The following CHCHD3 variants were observed in gnomAD, a reference collection of about 807,000 sequenced individuals.
CHCHD3 encodes coiled-coil-helix-coiled-coil-helix domain containing 3, also known as MICOS complex subunit MIC19.
Under a neutral mutation model 38.2 loss-of-function variants are expected in CHCHD3, and 20 were observed. The observed-to-expected ratio is 0.52, with a 90% CI of 0.37 to 0.76. The LOEUF (loss-of-function observed/expected upper bound fraction) is 0.76, where lower values mean the gene tolerates loss of function less well. Ranked by LOEUF, CHCHD3 falls within the 30% of genes least tolerant of loss-of-function variation. CHCHD3 has a pLI of 0.00. For synonymous variants in CHCHD3, 82 were observed against 100.0 expected (o/e 0.82, Z 1.07); for missense variants, 245 against 279.2 (o/e 0.88, Z 0.87).
intron 5 of CHCHD3, among the ~76,000 whole-genome samples, chr7:132,877,928 C>T (rs1808954864): frequency 6.6e-6 from 1 of 152,198 alleles, no homozygotes; most frequent in Non-Finnish European, 1.5e-5. Flanking sequence ...GTTAAATTTA[C>T]TCTGTCACAT....
At chr7:132,854,006 A>G (rs1004561003) in intron 5 of CHCHD3, among the ~76,000 whole-genome samples, 7 of 152,196 alleles carry the variant, frequency 4.6e-5, no homozygotes, top group African/African-American at 1.7e-4. Flanking sequence ...TGGCTGTCTT[A>G]CTTGCTTTCT....
intron 4 of CHCHD3, among the ~76,000 whole-genome samples, chr7:132,938,710 A>G (rs565485024): frequency 7.2e-4 from 110 of 152,276 alleles, no homozygotes; most frequent in African/African-American, 2.6e-3. Context: ...CTGGGCTCAC[A>G]CTTTAAACCT....
At chr7:133,061,688 C>A (rs1814520491) in intron 2 of CHCHD3, among the ~76,000 whole-genome samples, 1 of 152,070 alleles carries the variant, frequency 6.6e-6, no homozygotes, top group South Asian at 2.1e-4. Flanking sequence ...TCATGACTAC[C>A]CTGTAACTGA....
intron 1 of CHCHD3, among the ~76,000 whole-genome samples, chr7:133,078,918 T>C (rs752065046): frequency 6.6e-6 from 1 of 152,208 alleles, no homozygotes; most frequent in Non-Finnish European, 1.5e-5. Context: ...TGGTGCCTCA[T>C]CGGCACCATG....
chr7:132,949,749 C>T (rs991136704), intron 4 of CHCHD3, among the ~76,000 whole-genome samples: 1 of 151,988 alleles, frequency 6.6e-6, no homozygotes, highest in Non-Finnish European at 1.5e-5. Context: ...AAATTATTTG[C>T]TTCCTAATCA....
intron 6 of CHCHD3, among the ~76,000 whole-genome samples, chr7:132,829,677 C>T (rs1807591696): frequency 6.6e-6 from 1 of 152,178 alleles, no homozygotes; most frequent in Admixed American, 6.5e-5. Flanking sequence ...AAGGACGTGG[C>T]CAATCTGGCT....
intron 1 of CHCHD3, among the ~76,000 whole-genome samples, chr7:133,071,027 G>A (rs1052169492): frequency 2.6e-5 from 4 of 152,186 alleles, no homozygotes; most frequent in African/African-American, 9.6e-5. Flanking sequence ...ATTTGCCACC[G>A]TTAGACATCC....
chr7:132,999,292 T>C (rs1196626689), intron 3 of CHCHD3, among the ~76,000 whole-genome samples: 1 of 152,194 alleles, frequency 6.6e-6, no homozygotes, highest in Non-Finnish European at 1.5e-5. Context: ...CTCCAAACCA[T>C]TGGTTTTCTC....
In CHCHD3 at chr7:133,034,847, G is replaced by A. The variant is rs781673664; in HGVS notation, c.170-10220C>T. Reference sequence around the variant, plus strand: ...TGTTGGTTCCAAAAAGGATGACACTGGCGAAGGCATTCTTCCTCAGCTTGT... The same window carrying A: ...TGTTGGTTCCAAAAAGGATGACACTAGCGAAGGCATTCTTCCTCAGCTTGT... On this transcript the variant is annotated intron_variant, in intron 2 of 7. Coordinates refer to ENST00000262570, the MANE Select transcript of CHCHD3 (RefSeq NM_017812.4). 2.3e-5 allele frequency: 37 copies of A among 1,610,278 alleles called. No homozygotes were observed. In the Admixed American group the frequency reaches 5.4e-4, roughly 23 times the overall value.
At chr7:132,819,122 A>C (rs2117064149) in intron 6 of CHCHD3, among the ~76,000 whole-genome samples, 2 of 152,368 alleles carry the variant, frequency 1.3e-5, no homozygotes, top group Middle Eastern at 6.8e-3. Context: ...AGATCGATAA[A>C]GAGGATAAAA....
intron 4 of CHCHD3, among the ~76,000 whole-genome samples, chr7:132,947,598 G>A (rs942257123): frequency 4.6e-5 from 7 of 151,944 alleles, no homozygotes; most frequent in Non-Finnish European, 8.8e-5. Flanking sequence ...AGACTCAAAT[G>A]TTTAGTATAA....
intron 3 of CHCHD3, among the ~76,000 whole-genome samples, chr7:133,023,465 G>T (rs561557963): frequency 1.6e-4 from 25 of 152,306 alleles, no homozygotes; most frequent in African/African-American, 6.0e-4. Context: ...CCAATTCAAA[G>T]ATTCCTTACC....
chr7:132,987,307 A>C (rs10239315), intron 3 of CHCHD3, among the ~76,000 whole-genome samples: 70,519 of 152,000 alleles, frequency 0.46, 16,634 homozygotes, highest in East Asian at 0.55. Context: ...ACTGTTGTTA[A>C]AGAAAAAGCC....
chr7:133,032,203 A>C (rs1813522725), intron 2 of CHCHD3, among the ~76,000 whole-genome samples: 1 of 152,206 alleles, frequency 6.6e-6, no homozygotes, highest in African/African-American at 2.4e-5. Flanking sequence ...GATTTAAACC[A>C]GGCACACAGA....
chr7:133,000,653 C>T (rs1210124796), intron 3 of CHCHD3, among the ~76,000 whole-genome samples: 5 of 152,142 alleles, frequency 3.3e-5, no homozygotes, highest in Admixed American at 2.6e-4. Flanking sequence ...AAATATAATG[C>T]AGACTACATC....
chr7:132,905,467 A>G (rs1809776970), intron 4 of CHCHD3, among the ~76,000 whole-genome samples: 1 of 152,090 alleles, frequency 6.6e-6, no homozygotes. Context: ...CGGGAGGGAG[A>G]GCATCAGGAA....
At chr7:132,979,963 A>G (rs1350074429) in intron 3 of CHCHD3, among the ~76,000 whole-genome samples, 4 of 152,224 alleles carry the variant, frequency 2.6e-5, no homozygotes, top group African/African-American at 7.2e-5. Flanking sequence ...CTTTGCAAAG[A>G]AAAACTGCTT....
At chr7:132,806,535 T>C (rs752930939) in intron 6 of CHCHD3, among the ~76,000 whole-genome samples, 12 of 152,036 alleles carry the variant, frequency 7.9e-5, no homozygotes, top group Non-Finnish European at 1.3e-4. Context: ...TTAGATGAGA[T>C]AATGGAATTT....
chr7:133,044,462 A>G (rs1813919065), intron 2 of CHCHD3, among the ~76,000 whole-genome samples: 1 of 152,212 alleles, frequency 6.6e-6, no homozygotes, highest in South Asian at 2.1e-4. Flanking sequence ...GCAGCAAAAT[A>G]AAAGTTAATG....
Sources: allele counts gnomAD v4.1 joint callset (sites outside exome capture counted in the v4.1 genomes callset), GRCh38; gene constraint gnomAD v4.1.1; transcripts MANE v1.5; gene names NCBI Gene and HGNC (gene_info 2026-07-23, HGNC 2026-07-21).